The following KCNJ6 variants were observed in gnomAD, a reference collection of about 807,000 sequenced individuals.
KCNJ6 encodes G protein-activated inward rectifier potassium channel 2.
In KCNJ6, 9 loss-of-function variants were observed where a neutral mutation model predicts 34.2. The ratio of observed to expected loss-of-function variants is 0.26; its 90% CI spans 0.16 to 0.46. The LOEUF is 0.46. Among genes scored for constraint, KCNJ6 ranks in the 20% least tolerant of loss-of-function variants. The pLI is 1.00. For synonymous variants in KCNJ6, 196 were observed against 207.1 expected (o/e 0.95, Z 0.46); for missense variants, 236 against 531.3 (o/e 0.44, Z 5.46).
At chr21:37,905,097 T>C (rs55744165) in intron 1 of KCNJ6, among the ~76,000 whole-genome samples, 11,429 of 152,218 alleles carry the variant, frequency 0.075, 454 homozygotes, top group African/African-American at 0.081. Context: ...TTTCTTTGGG[T>C]GGAATCCATC....
chr21:37,911,441 T>C (rs2055866732), intron 1 of KCNJ6, among the ~76,000 whole-genome samples: 1 of 152,180 alleles, frequency 6.6e-6, no homozygotes. Flanking sequence ...GGTACTTAAA[T>C]GCCAATTATT....
intron 3 of KCNJ6, among the ~76,000 whole-genome samples, chr21:37,699,457 T>C (rs1019473876): frequency 2.0e-5 from 3 of 152,216 alleles, no homozygotes; most frequent in Non-Finnish European, 4.4e-5. Context: ...TTCATATTAA[T>C]TAGAAACTTC....
intron 2 of KCNJ6, among the ~76,000 whole-genome samples, chr21:37,820,646 A>T (rs1478080240): frequency 6.6e-6 from 1 of 152,242 alleles, no homozygotes; most frequent in East Asian, 1.9e-4. Context: ...TACTAGAATG[A>T]CTAACAGAAC....
intron 2 of KCNJ6, among the ~76,000 whole-genome samples, chr21:37,748,660 C>G (rs1201756600): frequency 1.3e-5 from 2 of 152,218 alleles, no homozygotes; most frequent in Admixed American, 1.3e-4. Flanking sequence ...GGGTCTTCCG[C>G]TTCTCCCCTT....
At chr21:37,853,762 C>T (rs571762705) in intron 1 of KCNJ6, among the ~76,000 whole-genome samples, 7 of 147,828 alleles carry the variant, frequency 4.7e-5, no homozygotes, top group African/African-American at 1.0e-4. Context: ...GGAAGGGAAA[C>T]GAATGTAAAG....
At chr21:37,636,702 C>T (rs764443253) in intron 3 of KCNJ6, among the ~76,000 whole-genome samples, 2 of 152,228 alleles carry the variant, frequency 1.3e-5, no homozygotes. Flanking sequence ...TGAGCAAACA[C>T]AGGGGCAGGC....
rs1289363583 is a variant in KCNJ6 at position 37,620,508 on chromosome 21, TCACAAGTGGTA to T, written c.*4640_*4650del. 2 of 152,166 alleles carry T rather than the reference TCACAAGTGGTA, an allele frequency of 1.3e-5. No homozygotes were observed. The highest frequency in any genetic ancestry group is 2.4e-5 in the African/African-American group (1 of 41,448). The allele number at this position is 152,166 out of a possible 1,614,324, so 9.4% of individuals were successfully genotyped here. A position where few individuals can be genotyped will look rare whatever the true frequency, so the allele number is the denominator to read the frequency against. The stretch of plus-strand genomic sequence containing the variant: ...AAAAAATGTAAAAATTGCTCTTAGC[TCACAAGTGGTA>T]CAATAACAGGCAGCAGGCCAGATTT... On this transcript the variant is annotated 3_prime_UTR_variant, in exon 4 of 4. Coordinates refer to ENST00000609713, the MANE Select transcript of KCNJ6 (RefSeq NM_002240.5).
chr21:37,760,125 A>G (rs2055053159), intron 2 of KCNJ6, among the ~76,000 whole-genome samples: 1 of 152,188 alleles, frequency 6.6e-6, no homozygotes, highest in Non-Finnish European at 1.5e-5. Flanking sequence ...CCAACATCAG[A>G]TGGAACCTAC....
chr21:37,718,603 G>A (rs537720693), intron 2 of KCNJ6, among the ~76,000 whole-genome samples: 104 of 152,202 alleles, frequency 6.8e-4, no homozygotes, highest in African/African-American at 2.3e-3. Flanking sequence ...TCTCATAGGT[G>A]GGAATTGAAC....
intron 2 of KCNJ6, among the ~76,000 whole-genome samples, chr21:37,740,140 C>G (rs1225691653): frequency 6.6e-6 from 1 of 152,154 alleles, no homozygotes; most frequent in African/African-American, 2.4e-5. Context: ...TCTTGTAAAC[C>G]AAAAACAAAA....
chr21:37,762,713 G>A (rs535258086), intron 2 of KCNJ6, among the ~76,000 whole-genome samples: 9 of 152,248 alleles, frequency 5.9e-5, no homozygotes, highest in African/African-American at 1.9e-4. Context: ...GACCTGTGGC[G>A]CTGCGCTGTG....
intron 2 of KCNJ6, among the ~76,000 whole-genome samples, chr21:37,818,567 A>G (rs2055358837): frequency 6.6e-6 from 1 of 152,140 alleles, no homozygotes. Context: ...GTAGGTCTCT[A>G]TAGTAACCTA....
chr21:37,884,182 A>C (rs569275172), intron 1 of KCNJ6, among the ~76,000 whole-genome samples: 2 of 152,164 alleles, frequency 1.3e-5, no homozygotes, highest in African/African-American at 4.8e-5. Flanking sequence ...TGGGCCTATA[A>C]GCCAGGTGTG....
chr21:37,870,969 C>T (rs1424719958), intron 1 of KCNJ6, among the ~76,000 whole-genome samples: 2 of 152,166 alleles, frequency 1.3e-5, no homozygotes, highest in African/African-American at 4.8e-5. Context: ...GGAAGATGCA[C>T]CATTATCTCT....
chr21:37,799,389 G>A (rs572312408), intron 2 of KCNJ6, among the ~76,000 whole-genome samples: 4 of 152,194 alleles, frequency 2.6e-5, no homozygotes, highest in Non-Finnish European at 4.4e-5. Flanking sequence ...AAGGCGGGAA[G>A]GCTGGGAGAA....
chr21:37,915,531 C>T (rs1206613410), intron 1 of KCNJ6, among the ~76,000 whole-genome samples: 1 of 152,194 alleles, frequency 6.6e-6, no homozygotes, highest in Non-Finnish European at 1.5e-5. Context: ...CATCACAAGC[C>T]GCACCTGTCA....
chr21:37,633,545 T>C (rs1371817518), intron 3 of KCNJ6, among the ~76,000 whole-genome samples: 1 of 152,174 alleles, frequency 6.6e-6, no homozygotes, highest in Non-Finnish European at 1.5e-5. Context: ...GCAGATAATA[T>C]AACTGTGTAC....
At chr21:37,835,682 G>A (rs2055448192) in intron 2 of KCNJ6, among the ~76,000 whole-genome samples, 2 of 152,196 alleles carry the variant, frequency 1.3e-5, no homozygotes, top group African/African-American at 4.8e-5. Context: ...GGCACGGTTT[G>A]GGTCACTGCA....
Position 37,714,759 on chromosome 21 carries a change from A to T in KCNJ6, c.398T>A (p.Val133Asp), listed in dbSNP as rs780429357. 6.2e-7 allele frequency: 1 copy of T among 1,614,192 alleles called. No individual in the cohort carries two copies. The highest frequency in any genetic ancestry group is 1.1e-5 in the South Asian group (1 of 91,084). Residue 133 changes from valine to aspartate, a missense_variant, in exon 3 of 4, where the codon GTT becomes GAT. Transcript: ENST00000609713. The surrounding 1 kb of genome is among the most constrained non-coding windows in gnomAD (Gnocchi z 5.9). ...AGAGACGAACCCGTTGAGGTTGGTA[A>T]CACAAGGAGTCCAGGAGGGGTCCTC... ...HIEDPSWTPCVTNLNGFVSAF... is the reference protein window; with the variant it reads ...HIEDPSWTPCDTNLNGFVSAF...
Sources: gnomAD v4.1 joint callset for allele counts (sites outside exome capture counted in the v4.1 genomes callset) on GRCh38, gnomAD v4.1.1 for gene constraint, Gnocchi (gnomAD v3.1) non-coding constraint, MANE v1.5 for transcripts, NCBI Gene and HGNC (gene_info 2026-07-23, HGNC 2026-07-21) for gene names.